MRGPRE: variants seen among roughly 807,000 people sequenced by gnomAD.
MRGPRE encodes mas-related G protein-coupled receptor member E.
For synonymous variants in MRGPRE, 229 were observed against 206.7 expected (o/e 1.11, Z -0.92); for missense variants, 466 against 433.4 (o/e 1.08, Z -0.67).
Position 3,229,212 on chromosome 11 carries a change from C to CTTTTT in MRGPRE, c.-61-357_-61-353dup, listed in dbSNP as rs60799467. Among the ~76,000 whole-genome samples, 279 of 126,560 alleles carry CTTTTT rather than the reference C, an allele frequency of 2.2e-3. 36 individuals carry two copies. The highest frequency in any genetic ancestry group is 5.5e-3 in the African/African-American group (165 of 29,922). 83.0% of individuals were successfully genotyped at this position (126,560 alleles called of 152,430 possible). ...GTGGTGCCTTGATCCTCAGAATGGG[C>CTTTTT]TTTTTTTTTTTTTTTTTTTTTTTTT... On this transcript the variant is annotated intron_variant, in intron 1 of 1. Transcript: ENST00000389832. This position sits in a 1 kb window ranked among gnomAD's most constrained non-coding sequence, Gnocchi z 4.4.
Position 3,230,791 on chromosome 11 carries a change from C to T in MRGPRE, c.-62+1350G>A, listed in dbSNP as rs1847820836. Among the ~76,000 whole-genome samples the T allele has an allele frequency of 6.6e-6, 1 of 152,130 alleles. No homozygotes were observed. The highest frequency in any genetic ancestry group is 6.5e-5 in the Admixed American group (1 of 15,286). ...CCTGTCCCTGTGCTCCATCCTAGCA[C>T]CCAAGGCCCCGGGAAGGCAGACCAT... On this transcript the variant is annotated intron_variant, in intron 1 of 1. Transcript: ENST00000389832. The surrounding 1 kb of genome is among the most constrained non-coding windows in gnomAD (Gnocchi z 5.5).
rs1384268455 is a variant in MRGPRE at position 3,225,709 on chromosome 11, C to A, written c.*2152G>T. 6.6e-6 allele frequency among the ~76,000 whole-genome samples: 1 copy of A among 152,226 alleles called. No individual in the cohort carries two copies. The highest frequency in any genetic ancestry group is 2.4e-5 in the African/African-American group (1 of 41,460). ...GGGGATACCCCACCAGCATCCTGGG[C>A]CATCAGGCCATATACCTGCTGCCAC... On this transcript the variant is annotated 3_prime_UTR_variant, in exon 2 of 2. Transcript: ENST00000389832.
At position 3,225,837 on chromosome 11, in the gene MRGPRE, C is replaced by G. The variant is rs1404611556; in HGVS notation, c.*2024G>C. 6.6e-6 allele frequency among the ~76,000 whole-genome samples: 1 copy of G among 152,236 alleles called. No homozygotes were observed. Among genetic ancestry groups the G allele is most frequent in the Non-Finnish European group, 1.5e-5 (1 of 68,036 alleles). On this transcript the variant is annotated 3_prime_UTR_variant, in exon 2 of 2. Transcript: ENST00000389832. Reference sequence around the variant, plus strand: ...CGAGAAGGGGCTAATAAGGAGGAATCTAGAGCCACTCCAATCCCCTGGATG... The same window carrying G: ...CGAGAAGGGGCTAATAAGGAGGAATGTAGAGCCACTCCAATCCCCTGGATG...
In MRGPRE at chr11:3,232,224, T is replaced by A. The variant is rs1278962900; in HGVS notation, c.-145A>T. On this transcript the variant is annotated 5_prime_UTR_variant, in exon 1 of 2. Coordinates refer to ENST00000389832, the MANE Select transcript of MRGPRE (RefSeq NM_001039165.4). ...TCCTGGCCGCGGCCGAGGGCTCCAG[T>A]CCCCAGAGCCTCTGGGCGGCTCCTG... 2.0e-5 allele frequency: 3 copies of A among 152,216 alleles called. No homozygotes were observed. The highest frequency in any genetic ancestry group is 4.4e-5 in the Non-Finnish European group (3 of 68,142). 9.4% of individuals were successfully genotyped at this position (152,216 alleles called of 1,614,324 possible). A position where few individuals can be genotyped will look rare whatever the true frequency, so the allele number is the denominator to read the frequency against.
chr11:3,228,044 G>T lies in MRGPRE; in HGVS notation c.756C>A (p.His252Gln). The change falls in exon 2 of 2, where the codon CAC (histidine) becomes CAA (glutamine). Residue 252 changes from histidine (H) to glutamine (Q), a missense_variant. Physicochemically the swap from His to Gln is conservative, Grantham distance 24. Coordinates refer to ENST00000389832, the MANE Select transcript of MRGPRE (RefSeq NM_001039165.4). The stretch of plus-strand genomic sequence containing the variant: ...GCACGGCGGCCATGAGGAAGCTGAA[G>T]TGGTAGAAGTAGTGGGGGATGTACC... ...LLWYIPHYFY[H>Q]FSFLMAAVHC... is the part of the protein sequence containing the mutation. The T allele has an allele frequency of 6.2e-7, 1 of 1,609,350 alleles. No individual in the cohort carries two copies. Among genetic ancestry groups the T allele is most frequent in the Non-Finnish European group, 8.5e-7 (1 of 1,178,170 alleles).
Position 3,225,764 on chromosome 11 carries a change from C to T in MRGPRE, c.*2097G>A, listed in dbSNP as rs142786068. The stretch of plus-strand genomic sequence containing the variant: ...GCTACTAGAGTGGGGACGAGCTGGG[C>T]CCAGTTTCCATGGAGACCTCAGATG... On this transcript the variant is annotated 3_prime_UTR_variant, in exon 2 of 2. Transcript: ENST00000389832. Among the ~76,000 whole-genome samples, 2 of 152,334 alleles carry T rather than the reference C, an allele frequency of 1.3e-5. No individual in the cohort carries two copies. The highest frequency in any genetic ancestry group is 2.9e-5 in the Non-Finnish European group (2 of 68,026).
rs114362909 is a variant in MRGPRE, at chr11:3,227,590, T to C, written c.*271A>G. The stretch of plus-strand genomic sequence containing the variant: ...CTCTCGAGTGCCAGTGCGTGAACCG[T>C]TGGGGAGGTTTCCCAAAAATGCACG... On this transcript the variant is annotated 3_prime_UTR_variant, in exon 2 of 2. Transcript: ENST00000389832. The C allele has an allele frequency of 2.1e-3, 848 of 397,988 alleles. 7 individuals are homozygous for C. Among genetic ancestry groups the C allele is most frequent in the African/African-American group, 0.015 (719 of 48,946 alleles). The allele number at this position is 397,988 out of a possible 1,614,324, so 24.7% of individuals were successfully genotyped here.
chr11:3,231,358 C>T lies in MRGPRE; in HGVS notation c.-62+783G>A, dbSNP rs764835071. On this transcript the variant is annotated intron_variant, in intron 1 of 1. Coordinates refer to ENST00000389832, the MANE Select transcript of MRGPRE (RefSeq NM_001039165.4). The surrounding 1 kb of genome is among the most constrained non-coding windows in gnomAD (Gnocchi z 4.7). Reference sequence around the variant, plus strand: ...ACAGGGGGACAAGGGGTTAGAGCCACGGAGCTCAGCCAGACCCTGCTGCTG... The same window carrying T: ...ACAGGGGGACAAGGGGTTAGAGCCATGGAGCTCAGCCAGACCCTGCTGCTG... Among the ~76,000 whole-genome samples, 6 of 151,876 alleles carry T rather than the reference C, an allele frequency of 4.0e-5. No individual in the cohort carries two copies. The highest frequency in any genetic ancestry group is 7.4e-5 in the Non-Finnish European group (5 of 67,950).
chr11:3,225,719 A>G lies in MRGPRE; in HGVS notation c.*2142T>C, dbSNP rs780318428. Among the ~76,000 whole-genome samples, 2 of 152,222 alleles carry G rather than the reference A, an allele frequency of 1.3e-5. No individual in the cohort carries two copies. Among genetic ancestry groups the G allele is most frequent in the African/African-American group, 4.8e-5 (2 of 41,458 alleles). ...CACCAGCATCCTGGGCCATCAGGCC[A>G]TATACCTGCTGCCACAGCAGCTACT... On this transcript the variant is annotated 3_prime_UTR_variant, in exon 2 of 2. Coordinates refer to ENST00000389832, the MANE Select transcript of MRGPRE (RefSeq NM_001039165.4).
At position 3,228,531 on chromosome 11, in the gene MRGPRE, T is replaced by G. The variant is rs750238036; in HGVS notation, c.269A>C (p.Asp90Ala). The G allele has an allele frequency of 6.2e-7, 1 of 1,613,666 alleles. No individual in the cohort carries two copies. The highest frequency in any genetic ancestry group is 2.2e-5 in the East Asian group (1 of 44,842). ...IVPDLLQGRL[D>A]FPGFVQTSLA... ...GCTGGTCTGCACGAAGCCCGGGAAG[T>G]CCAGCCGGCCTTGCAGCAAGTCGGG... The change falls in exon 2 of 2, where the codon GAC becomes GCC. Residue 90 changes from aspartate (D) to alanine (A), a missense_variant. Asp to Ala is a moderately radical substitution (Grantham distance 126, BLOSUM62 -2). Coordinates refer to ENST00000389832, the MANE Select transcript of MRGPRE (RefSeq NM_001039165.4).
Position 3,228,452 on chromosome 11 carries a change from GGCC to G in MRGPRE, c.345_347del (p.Ala116del). ...CGGCCAGGCACTGCTCCACGCTGAC[GGCC>G]GCCAGGAGACTCAGGCCCACGATGT... is the stretch of plus-strand genomic sequence containing the variant. On this transcript the variant is annotated inframe_deletion, in exon 2 of 2. Transcript: ENST00000389832. 6.2e-7 allele frequency: 1 copy of G among 1,612,114 alleles called. No homozygotes were observed.
chr11:3,228,393 G>A lies in MRGPRE; in HGVS notation c.407C>T (p.Pro136Leu), dbSNP rs1847789364. ...GCACACACAGGTGGTCAGGTGGCGTGGGCGGCGGCACGAGTACCAGGCTGG... is the reference window on the plus strand; with the variant it reads ...GCACACACAGGTGGTCAGGTGGCGTAGGCGGCGGCACGAGTACCAGGCTGG... ...LFPAWYSCRRPRHLTTCVCAL... is the reference protein window; with the variant it reads ...LFPAWYSCRRLRHLTTCVCAL... The change falls in exon 2 of 2, where the codon CCA becomes CTA. Residue 136 changes from proline (P) to leucine (L), a missense_variant. Physicochemically the swap from Pro to Leu is moderately conservative, Grantham distance 98. Transcript: ENST00000389832. The A allele has an allele frequency of 1.3e-6, 2 of 1,599,384 alleles. No individual in the cohort carries two copies. Among genetic ancestry groups the A allele is most frequent in the Non-Finnish European group, 1.7e-6 (2 of 1,174,874 alleles).
chr11:3,228,769 C>A lies in MRGPRE; in HGVS notation c.31G>T (p.Val11Leu), dbSNP rs372568427. Residue 11 changes from valine (V) to leucine (L), a missense_variant, in exon 2 of 2, where the codon GTG becomes TTG. Physicochemically the swap from Val to Leu is conservative, Grantham distance 32 (BLOSUM62 1). Coordinates refer to ENST00000389832, the MANE Select transcript of MRGPRE (RefSeq NM_001039165.4). MMEPREAGQH[V>L]GAANGAQEDV... ...TCCTGGGCGCCGTTGGCGGCCCCCA[C>A]GTGCTGTCCAGCTTCTCTGGGCTCC... The A allele has an allele frequency of 3.7e-6, 6 of 1,610,836 alleles. No individual in the cohort carries two copies. In the Admixed American group the frequency reaches 1.0e-4, roughly 27 times the overall value.
rs371257761 is a variant in MRGPRE, at chr11:3,227,265, G to A, written c.*596C>T. Reference sequence around the variant, plus strand: ...TGAAGCTCCGAGTGAGGGTTGCATCGTCCCGGTCTGAGGTGCACGGCCTTG... The same window carrying A: ...TGAAGCTCCGAGTGAGGGTTGCATCATCCCGGTCTGAGGTGCACGGCCTTG... On this transcript the variant is annotated 3_prime_UTR_variant, in exon 2 of 2. Coordinates refer to ENST00000389832, the MANE Select transcript of MRGPRE (RefSeq NM_001039165.4). Among the ~76,000 whole-genome samples the A allele has an allele frequency of 1.3e-5, 2 of 152,306 alleles. No individual in the cohort carries two copies. The highest frequency in any genetic ancestry group is 6.5e-5 in the Admixed American group (1 of 15,314).
Position 3,229,004 on chromosome 11 carries a change from A to G in MRGPRE, c.-61-144T>C. 1 of 552,760 alleles carries G rather than the reference A, an allele frequency of 1.8e-6. No individual in the cohort carries two copies. The highest frequency in any genetic ancestry group is 3.2e-6 in the Non-Finnish European group (1 of 311,104). 34.2% of individuals were successfully genotyped at this position (552,760 alleles called of 1,614,324 possible). On this transcript the variant is annotated intron_variant, in intron 1 of 1. Transcript: ENST00000389832. This position sits in a 1 kb window ranked among gnomAD's most constrained non-coding sequence, Gnocchi z 4.4. The stretch of plus-strand genomic sequence containing the variant: ...AGACCCCTCTCTCATTTCCACCCTC[A>G]GCCACCTGACCTAAGCTTCTCTTCC...
Position 3,230,917 on chromosome 11 carries a change from T to A in MRGPRE, c.-62+1224A>T, listed in dbSNP as rs1015184587. ...GACGGGGCATCACTGCCATGGCAGG[T>A]GGGGAGATGTGGGGAGGGGGACAGA... On this transcript the variant is annotated intron_variant, in intron 1 of 1. Transcript: ENST00000389832. The surrounding 1 kb of genome is among the most constrained non-coding windows in gnomAD (Gnocchi z 5.5). Among the ~76,000 whole-genome samples the A allele has an allele frequency of 2.0e-5, 3 of 147,770 alleles. No homozygotes were observed. Among genetic ancestry groups the A allele is most frequent in the Non-Finnish European group, 3.0e-5 (2 of 66,836 alleles).
chr11:3,228,022 C>T lies in MRGPRE; in HGVS notation c.778G>A (p.Val260Met), dbSNP rs776415411. The change falls in exon 2 of 2, where the codon GTG (valine) becomes ATG (methionine). Residue 260 changes from valine (V) to methionine (M), a missense_variant. Coordinates refer to ENST00000389832, the MANE Select transcript of MRGPRE (RefSeq NM_001039165.4). ...FYHFSFLMAA[V>M]HCAAKPVVYF... ...ACGACGGGCTTGGCCGCGCAGTGCACGGCGGCCATGAGGAAGCTGAAGTGG... is the reference window on the plus strand; with the variant it reads ...ACGACGGGCTTGGCCGCGCAGTGCATGGCGGCCATGAGGAAGCTGAAGTGG... The T allele has an allele frequency of 5.8e-5, 93 of 1,607,608 alleles. No individual in the cohort carries two copies. Among genetic ancestry groups the T allele is most frequent in the Middle Eastern group, 3.3e-4 (2 of 6,078 alleles).
In MRGPRE at chr11:3,228,368, G is replaced by A. The variant is rs778797737; in HGVS notation, c.432C>T (p.Cys144=). ...RRPRHLTTCV[C]ALTWALCLLL... ...GCAGGCAGAGGGCCCAGGTGAGGGCGCACACACAGGTGGTCAGGTGGCGTG... is the reference window on the plus strand; with the variant it reads ...GCAGGCAGAGGGCCCAGGTGAGGGCACACACACAGGTGGTCAGGTGGCGTG... The change falls in exon 2 of 2, where the codon TGC becomes TGT. Residue 144 remains cysteine (C), a synonymous_variant. Transcript: ENST00000389832. 91 of 1,584,878 alleles carry A rather than the reference G, an allele frequency of 5.7e-5. No homozygotes were observed. Among genetic ancestry groups the A allele is most frequent in the Middle Eastern group, 3.3e-4 (2 of 6,014 alleles).
At position 3,228,338 on chromosome 11, in the gene MRGPRE, C is replaced by T; in HGVS notation, c.462G>A (p.Leu154=). The change falls in exon 2 of 2, where the codon CTG becomes CTA. Residue 154 remains leucine, a synonymous_variant. Transcript: ENST00000389832. The part of the protein sequence containing the change: ...CALTWALCLL[L]HLLLSGACTQ... ...TGCAGGCGCCGCTGAGCAGCAGGTG[C>T]AGCAGCAGGCAGAGGGCCCAGGTGA... is the stretch of plus-strand genomic sequence containing the variant. The T allele has an allele frequency of 6.4e-7, 1 of 1,566,318 alleles. No individual in the cohort carries two copies.
Sources: allele counts gnomAD v4.1 joint callset (sites outside exome capture counted in the v4.1 genomes callset), GRCh38; gene constraint gnomAD v4.1.1; non-coding constraint Gnocchi (gnomAD v3.1); transcripts MANE v1.5; gene names NCBI Gene and HGNC (gene_info 2026-07-23, HGNC 2026-07-21).